Variants in GLRB observed in about 807,000 individuals in gnomAD.
The protein encoded by GLRB is glycine receptor beta.
GLRB carries 33 observed loss-of-function variants against 54.2 expected under a neutral mutation model. That is an observed-to-expected ratio of 0.61 (90% CI 0.46 to 0.81). The LOEUF (loss-of-function observed/expected upper bound fraction) is 0.81, where lower values mean the gene tolerates loss of function less well. Among genes scored for constraint, GLRB ranks in the 40% least tolerant of loss-of-function variants. The pLI is 0.00. For missense variants in GLRB, 572 were observed against 584.6 expected (o/e 0.98, Z 0.22); for synonymous variants, 209 against 208.2 (o/e 1.00, Z -0.03).
intron 8 of GLRB, among the ~76,000 whole-genome samples, chr4:157,145,415 G>A (rs1736771007): frequency 6.6e-6 from 1 of 152,148 alleles, no homozygotes; most frequent in Admixed American, 6.5e-5. Context: ...AGAAGCTCCA[G>A]GGAGTATTAA....
chr4:157,165,259 T>C (rs552700055), intron 9 of GLRB, among the ~76,000 whole-genome samples: 19 of 152,130 alleles, frequency 1.2e-4, no homozygotes, highest in African/African-American at 4.3e-4. Context: ...AAAGAAGATA[T>C]AAAAGTAGAA....
At chr4:157,084,713 G>A in intron 2 of GLRB, 1 of 456,084 alleles carries the variant, frequency 2.2e-6, no homozygotes, top group South Asian at 1.5e-5. Flanking sequence ...CAGTCTGTAT[G>A]TACTAAGAAG....
intron 2 of GLRB, among the ~76,000 whole-genome samples, chr4:157,080,917 TA>T (rs964041020): frequency 8.5e-5 from 13 of 152,122 alleles, no homozygotes; most frequent in Admixed American, 3.9e-4. Flanking sequence ...CTCAAGACTG[TA>T]AATAGAGGAA....
intron 4 of GLRB, among the ~76,000 whole-genome samples, chr4:157,126,899 C>T (rs1163461523): frequency 6.6e-6 from 1 of 151,840 alleles, no homozygotes; most frequent in Non-Finnish European, 1.5e-5. Context: ...AATCTATTTT[C>T]TTTCTTTAGT....
chr4:157,134,912 A>G (rs1323831957), intron 4 of GLRB, among the ~76,000 whole-genome samples: 1 of 152,144 alleles, frequency 6.6e-6, no homozygotes, highest in East Asian at 1.9e-4. Flanking sequence ...ACTAAAAGAA[A>G]AACACAATTA....
intron 2 of GLRB, among the ~76,000 whole-genome samples, chr4:157,103,161 A>C (rs12649254): frequency 0.029 from 4,345 of 151,698 alleles, 100 homozygotes; most frequent in East Asian, 0.12. Context: ...AAAAAACAAA[A>C]AAAAAAAAAA....
intron 9 of GLRB, among the ~76,000 whole-genome samples, chr4:157,161,506 G>T (rs953007865): frequency 6.6e-6 from 1 of 152,172 alleles, no homozygotes; most frequent in Non-Finnish European, 1.5e-5. Context: ...TCCTTCAGGA[G>T]CTCTTTTAGG....
intron 9 of GLRB, among the ~76,000 whole-genome samples, chr4:157,156,983 C>T (rs755758177): frequency 3.8e-4 from 58 of 152,234 alleles, no homozygotes; most frequent in African/African-American, 1.0e-3. Flanking sequence ...TACTTCCAAG[C>T]GGAGGTACAA....
rs1257072431 is a variant in GLRB, at chr4:157,170,584, A to G, written c.1350A>G (p.Lys450=). 2 of 1,613,514 alleles carry G rather than the reference A, an allele frequency of 1.2e-6. No homozygotes were observed. Among genetic ancestry groups the G allele is most frequent in the Non-Finnish European group, 1.7e-6 (2 of 1,179,672 alleles). Residue 450 remains lysine (K), a synonymous_variant, in exon 10 of 10, where the codon AAA becomes AAG. Coordinates refer to ENST00000264428, the MANE Select transcript of GLRB (RefSeq NM_000824.5). ...KPIEVNNGLG[K]SQAKNNKKPP... ...TTGAAGTTAACAACGGACTTGGGAA[A>G]TCTCAGGCTAAGAACAACAAGAAGC...
At chr4:157,109,273 T>G (rs186858209) in intron 2 of GLRB, among the ~76,000 whole-genome samples, 301 of 152,164 alleles carry the variant, frequency 2.0e-3, no homozygotes, top group African/African-American at 6.8e-3. Context: ...TTTATCTTTT[T>G]GGGGGCTTTC....
rs138899356 is a variant in GLRB, at chr4:157,163,874, T to C, written c.1198-6558T>C. Among the ~76,000 whole-genome samples the C allele has an allele frequency of 5.9e-3, 860 of 146,180 alleles. 10 individuals carry two copies. Among genetic ancestry groups the C allele is most frequent in the African/African-American group, 0.022 (792 of 36,602 alleles). On this transcript the variant is annotated intron_variant, in intron 9 of 9. Transcript: ENST00000264428. ...TGTGTTTTAATATAATGTCCAGGAT[T>C]TTTTATTGAACTTAGCAGGAGGAAT...
intron 9 of GLRB, among the ~76,000 whole-genome samples, chr4:157,164,662 G>GT (rs1420714170): frequency 6.6e-6 from 1 of 152,096 alleles, no homozygotes; most frequent in Non-Finnish European, 1.5e-5. Flanking sequence ...ATTAAATGTA[G>GT]TAACAGAATA....
Position 157,122,357 on chromosome 4 carries a change from T to C in GLRB, c.257T>C (p.Ile86Thr). 1 of 1,306,604 alleles carries C rather than the reference T, an allele frequency of 7.7e-7. No individual in the cohort carries two copies. The highest frequency in any genetic ancestry group is 1.1e-6 in the Non-Finnish European group (1 of 911,874). 80.9% of individuals were successfully genotyped at this position (1,306,604 alleles called of 1,614,324 possible). ...ATTCCTGTTGATGTAGTAGTCAACATTTTTATTAACAGTTTTGGATCCATT... is the reference window on the plus strand; with the variant it reads ...ATTCCTGTTGATGTAGTAGTCAACACTTTTATTAACAGTTTTGGATCCATT... ...KGIPVDVVVN[I>T]FINSFGSIQE... is the part of the protein sequence containing the mutation. The change falls in exon 4 of 10, where the codon ATT becomes ACT. Residue 86 changes from isoleucine (I) to threonine (T), a missense_variant. Coordinates refer to ENST00000264428, the MANE Select transcript of GLRB (RefSeq NM_000824.5).
At chr4:157,163,829 A>AGTGTGTGTGTGTGTGTGT (rs3054934) in intron 9 of GLRB, among the ~76,000 whole-genome samples, 4,162 of 146,314 alleles carry the variant, frequency 0.028, 152 homozygotes, top group African/African-American at 0.082. Context: ...TGTCTGTGTG[A>AGTGTGTGTGTGTGTGTGT]GTGTGTGTGT....
At chr4:157,166,132 C>T (rs1457914414) in intron 9 of GLRB, among the ~76,000 whole-genome samples, 2 of 138,036 alleles carry the variant, frequency 1.4e-5, no homozygotes, top group Non-Finnish European at 3.0e-5. Context: ...TTAATAGCAT[C>T]GTTTTTTTAT....
At chr4:157,144,181 T>G (rs768526701) in intron 8 of GLRB, among the ~76,000 whole-genome samples, 52 of 152,228 alleles carry the variant, frequency 3.4e-4, no homozygotes, top group Non-Finnish European at 7.2e-4. Flanking sequence ...TGGAGTATTA[T>G]AAGCAGTTAA....
chr4:157,124,900 T>C lies in GLRB; in HGVS notation c.297+2503T>C, dbSNP rs534751704. On this transcript the variant is annotated intron_variant, in intron 4 of 9. Transcript: ENST00000264428. ...ATTCTTTTTTGCTTCCAGCAATATT[T>C]ATTTTATATACCTTTATAAAGTAGA... Among the ~76,000 whole-genome samples the C allele has an allele frequency of 1.1e-4, 16 of 152,036 alleles. No individual in the cohort carries two copies. The East Asian group carries it at 2.5e-3, about 24-fold the overall frequency.
intron 9 of GLRB, among the ~76,000 whole-genome samples, chr4:157,160,200 C>T (rs537863922): frequency 1.5e-3 from 226 of 151,852 alleles, no homozygotes; most frequent in Non-Finnish European, 2.7e-3. Context: ...CACTTTTTAT[C>T]GCATCTGCTT....
chr4:157,127,295 T>C (rs1314519648), intron 4 of GLRB, among the ~76,000 whole-genome samples: 1 of 151,834 alleles, frequency 6.6e-6, no homozygotes, highest in East Asian at 1.9e-4. Context: ...ATTTGTCCCA[T>C]TTTTTATTTC....
Sources: gnomAD v4.1 joint callset for allele counts (sites outside exome capture counted in the v4.1 genomes callset) on GRCh38, gnomAD v4.1.1 for gene constraint, MANE v1.5 for transcripts, NCBI Gene and HGNC (gene_info 2026-07-23, HGNC 2026-07-21) for gene names.